The following CRABP1 variants were observed in gnomAD, a reference collection of about 807,000 sequenced individuals.
The protein encoded by CRABP1 is cellular retinoic acid binding protein 1, also known as cellular retinoic acid-binding protein 1.
A neutral mutation model predicts 16.4 loss-of-function variants in CRABP1; 9 were observed. That is an observed-to-expected ratio of 0.55 (90% CI 0.33 to 0.96). The LOEUF (loss-of-function observed/expected upper bound fraction) is 0.96, where lower values mean the gene tolerates loss of function less well. Ranked by LOEUF, CRABP1 falls within the 40% of genes least tolerant of loss-of-function variation. The pLI, the probability that CRABP1 is intolerant of heterozygous loss-of-function variation, is 0.03. For synonymous variants in CRABP1, 72 were observed against 70.4 expected (o/e 1.02, Z -0.11); for missense variants, 157 against 186.0 (o/e 0.84, Z 0.91).
intron 2 of CRABP1, among the ~76,000 whole-genome samples, chr15:78,343,080 A>G (rs7183938): frequency 1 from 151,606 of 152,048 alleles, 75,583 homozygotes; most frequent in Middle Eastern, 1. Flanking sequence ...GTGCCACTGC[A>G]CTCCAGCCTG....
chr15:78,340,929 C>T (rs1334122292), intron 1 of CRABP1, 114 bp from the exon 2 acceptor site: 1 of 1,087,002 alleles, frequency 9.2e-7, no homozygotes, highest in Non-Finnish European at 1.3e-6. Context: ...GGCAGGGAAA[C>T]GAGTGGATCA....
chr15:78,346,499 T>G (rs968835467), intron 3 of CRABP1, among the ~76,000 whole-genome samples: 1 of 152,154 alleles, frequency 6.6e-6, no homozygotes, highest in Non-Finnish European at 1.5e-5. Flanking sequence ...AAACCCCATC[T>G]CTACTAAAAA....
chr15:78,343,878 C>A (rs1241186689), intron 3 of CRABP1, among the ~76,000 whole-genome samples: 1 of 152,212 alleles, frequency 6.6e-6, no homozygotes, highest in African/African-American at 2.4e-5. Context: ...CTAATACATC[C>A]CAGTGGCGGT....
intron 2 of CRABP1, among the ~76,000 whole-genome samples, chr15:78,343,276 A>AGTGT (rs141389093): frequency 2.6e-5 from 4 of 151,624 alleles, no homozygotes; most frequent in African/African-American, 4.8e-5. Flanking sequence ...TGTGCTTGTG[A>AGTGT]GTGTGTGTGT....
chr15:78,343,160 G>T (rs966299185), intron 2 of CRABP1, among the ~76,000 whole-genome samples: 1 of 152,084 alleles, frequency 6.6e-6, no homozygotes, highest in Non-Finnish European at 1.5e-5. Flanking sequence ...TTGTTTGAAG[G>T]GTTAGCTAAT....
Position 78,348,031 on chromosome 15 carries a change from T to A in CRABP1, c.*54T>A. On this transcript the variant is annotated 3_prime_UTR_variant, in exon 4 of 4. Transcript: ENST00000299529. Reference sequence around the variant, plus strand: ...AAGGGATGCAGGCTCCCCTGAGGAATATGTCATAGTTCTGAGCTGCCAGTG... The same window carrying A: ...AAGGGATGCAGGCTCCCCTGAGGAAAATGTCATAGTTCTGAGCTGCCAGTG... 6.4e-7 allele frequency: 1 copy of A among 1,561,748 alleles called. No homozygotes were observed. The highest frequency in any genetic ancestry group is 1.1e-5 in the South Asian group (1 of 89,670).
Position 78,341,570 on chromosome 15 carries a change from C to T in CRABP1, c.249+349C>T, listed in dbSNP as rs910328365. 1.3e-5 allele frequency: 4 copies of T among 317,796 alleles called. No individual in the cohort carries two copies. Among genetic ancestry groups the T allele is most frequent in the East Asian group, 8.3e-5 (1 of 12,024 alleles). 19.7% of individuals were successfully genotyped at this position (317,796 alleles called of 1,614,324 possible). ...AGGAGGAGGAGGAGGTTGCAGGAGC[C>T]GCCAGGTTCTCTGTCGCAGGTGAAG... is the stretch of plus-strand genomic sequence containing the variant. On this transcript the variant is annotated intron_variant, in intron 2 of 3. Transcript: ENST00000299529. The surrounding 1 kb of genome is among the most constrained non-coding windows in gnomAD (Gnocchi z 5.3).
rs1256993102 is a variant in CRABP1 at position 78,343,532 on chromosome 15, C to T, written c.283C>T (p.His95Tyr). 6.2e-7 allele frequency: 1 copy of T among 1,614,028 alleles called. No homozygotes were observed. Among genetic ancestry groups the T allele is most frequent in the African/African-American group, 1.3e-5 (1 of 74,930 alleles). Residue 95 changes from histidine (H) to tyrosine (Y), a missense_variant, in exon 3 of 4, where the codon CAC becomes TAC. Coordinates refer to ENST00000299529, the MANE Select transcript of CRABP1 (RefSeq NM_004378.3). ...CACTTGGGAGAATGAGAACAAGATC[C>T]ACTGCACGCAAACTCTTCTTGAAGG... The part of the protein sequence containing the change: ...LATWENENKI[H>Y]CTQTLLEGDG...
chr15:78,346,092 G>C (rs1567139693), intron 3 of CRABP1, among the ~76,000 whole-genome samples: 3 of 152,204 alleles, frequency 2.0e-5, no homozygotes, highest in Non-Finnish European at 4.4e-5. Context: ...GCTGGGGAGA[G>C]CTGTCAGCTA....
At chr15:78,343,333 C>T (rs1011654530) in intron 2 of CRABP1, among the ~76,000 whole-genome samples, 166 bp from the exon 3 acceptor site, 2 of 152,068 alleles carry the variant, frequency 1.3e-5, no homozygotes, top group African/African-American at 4.8e-5. Context: ...GTGACCAGCA[C>T]TCTGAATTTG....
chr15:78,340,422 C>A lies in CRABP1; in HGVS notation c.-7C>A. Reference sequence around the variant, plus strand: ...TGTCCGTACCTGCCGCCGCCGCCACCGCCACCATGCCCAACTTCGCCGGCA... The same window carrying A: ...TGTCCGTACCTGCCGCCGCCGCCACAGCCACCATGCCCAACTTCGCCGGCA... On this transcript the variant is annotated 5_prime_UTR_variant, in exon 1 of 4. Transcript: ENST00000299529. The A allele has an allele frequency of 6.3e-7, 1 of 1,591,440 alleles. No homozygotes were observed. Among genetic ancestry groups the A allele is most frequent in the East Asian group, 2.3e-5 (1 of 44,200 alleles).
At position 78,340,484 on chromosome 15, in the gene CRABP1, T is replaced by A; in HGVS notation, c.56T>A (p.Leu19Gln). The A allele has an allele frequency of 1.2e-6, 2 of 1,608,784 alleles. No homozygotes were observed. The highest frequency in any genetic ancestry group is 8.5e-7 in the Non-Finnish European group (1 of 1,178,702). The change falls in exon 1 of 4, where the codon CTG becomes CAG. Residue 19 changes from leucine to glutamine, a missense_variant. Coordinates refer to ENST00000299529, the MANE Select transcript of CRABP1 (RefSeq NM_004378.3). ...KMRSSENFDELLKALGVNAML... is the reference protein window; with the variant it reads ...KMRSSENFDEQLKALGVNAML... ...CGCAGCAGCGAGAATTTCGACGAGC[T>A]GCTCAAGGCACTGGGTAAGCTGGTG...
Position 78,344,922 on chromosome 15 carries a change from T to TA in CRABP1, c.363+1315dup, listed in dbSNP as rs1377138206. On this transcript the variant is annotated intron_variant, in intron 3 of 3. Coordinates refer to ENST00000299529, the MANE Select transcript of CRABP1 (RefSeq NM_004378.3). ...CAGAGCTGAGACCCTGTCTCAAAAT[T>TA]AAAAACAAAAAAAAAAACAAAAAAA... Among the ~76,000 whole-genome samples, 192 of 145,056 alleles carry TA rather than the reference T, an allele frequency of 1.3e-3. 1 individual carries two copies. The highest frequency in any genetic ancestry group is 4.9e-3 in the African/African-American group (185 of 37,634).
chr15:78,340,687 C>A, intron 1 of CRABP1, 189 bp downstream of exon 1: 1 of 677,974 alleles, frequency 1.5e-6, no homozygotes, highest in Non-Finnish European at 2.5e-6. Context: ...ATCCCGGAAC[C>A]CACGCGTTCA....
rs571037139 is a variant in CRABP1, at chr15:78,342,770, A to G, written c.250-729A>G. 2.6e-5 allele frequency among the ~76,000 whole-genome samples: 4 copies of G among 152,360 alleles called. No homozygotes were observed. The East Asian group carries it at 7.7e-4, about 29-fold the overall frequency. On this transcript the variant is annotated intron_variant, in intron 2 of 3. Transcript: ENST00000299529. The stretch of plus-strand genomic sequence containing the variant: ...TGAACAGAAAGGACGTTCCTATCCC[A>G]AAATCCATGCAGGGAATCGTGCTCC...
chr15:78,343,447 C>A lies in CRABP1; in HGVS notation c.250-52C>A, dbSNP rs187988865. 272 of 1,388,808 alleles carry A rather than the reference C, an allele frequency of 2.0e-4. 1 individual carries two copies. In the East Asian group the frequency reaches 4.5e-3, roughly 23 times the overall value. The allele number at this position is 1,388,808 out of a possible 1,614,324, so 86.0% of individuals were successfully genotyped here. A position where few individuals can be genotyped will look rare whatever the true frequency, so the allele number is the denominator to read the frequency against. ...TTTTCAATGCTCATTGTTGTCCCTG[C>A]TCCCGCTGCTGAGACTCTAATTAAT... On this transcript the variant is annotated intron_variant, in intron 2 of 3. Transcript: ENST00000299529.
At position 78,341,072 on chromosome 15, in the gene CRABP1, G is replaced by T. The variant is rs1295340161; in HGVS notation, c.100G>T (p.Val34Leu). ...GAACGCCATGCTGAGGAAAGTGGCC[G>T]TAGCGGCTGCGTCCAAGCCGCACGT... ...GVNAMLRKVA[V>L]AAASKPHVEI... Residue 34 changes from valine to leucine, a missense_variant, in exon 2 of 4, where the codon GTA (valine) becomes TTA (leucine). By Grantham distance (32) the Val-to-Leu change is conservative (BLOSUM62 1). Transcript: ENST00000299529. The surrounding 1 kb of genome is among the most constrained non-coding windows in gnomAD (Gnocchi z 5.3). 1.9e-6 allele frequency: 3 copies of T among 1,610,190 alleles called. No individual in the cohort carries two copies. Among genetic ancestry groups the T allele is most frequent in the Non-Finnish European group, 2.5e-6 (3 of 1,179,786 alleles).
chr15:78,347,448 C>G (rs1342941482), intron 3 of CRABP1, among the ~76,000 whole-genome samples: 1 of 152,228 alleles, frequency 6.6e-6, no homozygotes, highest in Non-Finnish European at 1.5e-5. Context: ...CTCAGCCTGT[C>G]TCCCAGGTTA....
chr15:78,346,863 CTG>C (rs1943411969), intron 3 of CRABP1, among the ~76,000 whole-genome samples: 1 of 152,182 alleles, frequency 6.6e-6, no homozygotes, highest in Non-Finnish European at 1.5e-5. Context: ...TTTAACATCT[CTG>C]TAATTTCAGG....
Sources: allele counts gnomAD v4.1 joint callset (sites outside exome capture counted in the v4.1 genomes callset), GRCh38; gene constraint gnomAD v4.1.1; non-coding constraint Gnocchi (gnomAD v3.1); transcripts MANE v1.5; gene names NCBI Gene and HGNC (gene_info 2026-07-23, HGNC 2026-07-21).